BCO2: variants seen among roughly 807,000 people sequenced by gnomAD.
BCO2 encodes the protein carotenoid-cleaving dioxygenase, mitochondrial.
In BCO2, 56 loss-of-function variants were observed where a neutral mutation model predicts 65.8. That is an observed-to-expected ratio of 0.85 (90% CI 0.69 to 1.06). The LOEUF (loss-of-function observed/expected upper bound fraction) is 1.06. Among genes scored for constraint, BCO2 ranks in the 50% least tolerant of loss-of-function variants. BCO2 has a pLI of 0.00. For missense variants in BCO2, 675 were observed against 698.5 expected (o/e 0.97, Z 0.38); for synonymous variants, 233 against 242.3 (o/e 0.96, Z 0.36).
Position 112,218,020 on chromosome 11 carries a change from T to C in BCO2, c.*146T>C. ...AAAAAGCTACCTATTGAATACTATG[T>C]TCCCTATTTGGGTGATGGGTTCGTT... On this transcript the variant is annotated 3_prime_UTR_variant, in exon 12 of 12. Transcript: ENST00000357685. 1.7e-6 allele frequency: 1 copy of C among 596,368 alleles called. No individual in the cohort carries two copies. Among genetic ancestry groups the C allele is most frequent in the Non-Finnish European group, 2.9e-6 (1 of 341,002 alleles). 36.9% of individuals were successfully genotyped at this position (596,368 alleles called of 1,614,324 possible).
At chr11:112,204,638 A>G (rs1037023056) in intron 8 of BCO2, among the ~76,000 whole-genome samples, 6 of 152,140 alleles carry the variant, frequency 3.9e-5, no homozygotes, top group African/African-American at 1.4e-4. Context: ...TGAATAGTAA[A>G]TATATTTGCT....
chr11:112,215,992 C>T (rs1200843934), intron 10 of BCO2: 1 of 483,934 alleles, frequency 2.1e-6, no homozygotes, highest in African/African-American at 1.9e-5. Context: ...GCTCACTTGT[C>T]ACCAAGGGGA....
At position 112,200,718 on chromosome 11, in the gene BCO2, G is replaced by C. The variant is rs148237186; in HGVS notation, c.971G>C (p.Ser324Thr). Residue 324 changes from serine to threonine, a missense_variant, in exon 7 of 12, where the codon AGC becomes ACC. Physicochemically the swap from Ser to Thr is moderately conservative, Grantham distance 58. Coordinates refer to ENST00000357685, the MANE Select transcript of BCO2 (RefSeq NM_031938.7). Reference sequence around the variant, plus strand: ...GGAAAGGCCTTTTCAGATGGGATAAGCTGGGAACCCCAGTGTAATACGCGG... The same window carrying C: ...GGAAAGGCCTTTTCAGATGGGATAACCTGGGAACCCCAGTGTAATACGCGG... ...IRGKAFSDGI[S>T]WEPQCNTRFH... The C allele has an allele frequency of 1.2e-6, 2 of 1,613,894 alleles. No individual in the cohort carries two copies. Among genetic ancestry groups the C allele is most frequent in the Non-Finnish European group, 1.7e-6 (2 of 1,179,984 alleles).
At chr11:112,205,896 G>T (rs1347398247) in intron 8 of BCO2, among the ~76,000 whole-genome samples, 3 of 152,076 alleles carry the variant, frequency 2.0e-5, no homozygotes, top group Non-Finnish European at 4.4e-5. Context: ...ACCACACCTG[G>T]CCTCTATTTT....
At chr11:112,217,078 A>C (rs1859700748) in intron 11 of BCO2, among the ~76,000 whole-genome samples, 1 of 152,250 alleles carries the variant, frequency 6.6e-6, no homozygotes, top group South Asian at 2.1e-4. Flanking sequence ...AAGTAACACA[A>C]AATGGAGGCA....
At chr11:112,211,772 T>G (rs1207343275) in intron 8 of BCO2, among the ~76,000 whole-genome samples, 1 of 152,234 alleles carries the variant, frequency 6.6e-6, no homozygotes, top group Non-Finnish European at 1.5e-5. Flanking sequence ...CAGTATCCAG[T>G]TGGTTTCTGT....
In BCO2 at chr11:112,192,701, A is replaced by T. The variant is rs1177384230; in HGVS notation, c.294-773A>T. 2.2e-5 allele frequency among the ~76,000 whole-genome samples: 3 copies of T among 138,102 alleles called. No homozygotes were observed. The East Asian group carries it at 6.1e-4, about 28-fold the overall frequency. 90.6% of individuals were successfully genotyped at this position (138,102 alleles called of 152,430 possible). ...TCTTTTTTTTTTTTTTTTTAATGAG[A>T]CGGGGTTTTGCCATGTTGCCCAGGC... On this transcript the variant is annotated intron_variant, in intron 2 of 11. Coordinates refer to ENST00000357685, the MANE Select transcript of BCO2 (RefSeq NM_031938.7).
intron 2 of BCO2, among the ~76,000 whole-genome samples, chr11:112,182,078 A>C (rs897515628): frequency 2.6e-5 from 4 of 152,256 alleles, no homozygotes; most frequent in Non-Finnish European, 5.9e-5. Flanking sequence ...GAAGACATTT[A>C]TGTAGCCAGA....
chr11:112,186,459 T>C (rs1173414549), intron 2 of BCO2, among the ~76,000 whole-genome samples: 2 of 152,094 alleles, frequency 1.3e-5, no homozygotes, highest in Non-Finnish European at 2.9e-5. Context: ...AGACACTCAG[T>C]TTAGTGGTTG....
At chr11:112,179,077 T>C (rs1428903550) in intron 1 of BCO2, among the ~76,000 whole-genome samples, 1 of 152,156 alleles carries the variant, frequency 6.6e-6, no homozygotes, top group Non-Finnish European at 1.5e-5. Flanking sequence ...AGAAGAATTG[T>C]TGTGGGTTGA....
At chr11:112,183,728 T>G (rs529137439) in intron 2 of BCO2, among the ~76,000 whole-genome samples, 1 of 152,242 alleles carries the variant, frequency 6.6e-6, no homozygotes, top group Non-Finnish European at 1.5e-5. Context: ...TATGGTGAGA[T>G]CAGACTCCTT....
At position 112,175,526 on chromosome 11, in the gene BCO2, G is replaced by T; in HGVS notation, c.-76G>T. The T allele has an allele frequency of 1.9e-6, 2 of 1,050,608 alleles. No individual in the cohort carries two copies. The highest frequency in any genetic ancestry group is 3.0e-6 in the Non-Finnish European group (2 of 674,670). The allele number at this position is 1,050,608 out of a possible 1,614,324, so 65.1% of individuals were successfully genotyped here. ...AGGGACAGTCCAGGCAGTTCTGTGC[G>T]TGTTCACTGTTTAGTAGTACTCAAA... On this transcript the variant is annotated 5_prime_UTR_variant, in exon 1 of 12. Transcript: ENST00000357685.
chr11:112,186,561 G>T (rs1299550442), intron 2 of BCO2, among the ~76,000 whole-genome samples: 1 of 152,246 alleles, frequency 6.6e-6, no homozygotes, highest in Non-Finnish European at 1.5e-5. Flanking sequence ...CTGCTCACTT[G>T]TGAATCTCTT....
intron 2 of BCO2, chr11:112,181,821 A>G (rs1365464132): frequency 7.6e-6 from 7 of 925,894 alleles, no homozygotes; most frequent in Non-Finnish European, 1.3e-5. Context: ...AAGCTGCTGT[A>G]ATCTTGCACA....
intron 1 of BCO2, among the ~76,000 whole-genome samples, chr11:112,176,921 G>A (rs1866903036): frequency 6.6e-6 from 1 of 152,188 alleles, no homozygotes; most frequent in Non-Finnish European, 1.5e-5. Context: ...TGTCTCAGAA[G>A]CTACGAATAG....
intron 2 of BCO2, among the ~76,000 whole-genome samples, chr11:112,191,968 C>A (rs1014766599): frequency 6.6e-6 from 1 of 152,074 alleles, no homozygotes; most frequent in Non-Finnish European, 1.5e-5. Context: ...TTTAAGACAA[C>A]AGTTAAGTAG....
At chr11:112,211,500 G>C (rs898918851) in intron 8 of BCO2, among the ~76,000 whole-genome samples, 4 of 151,970 alleles carry the variant, frequency 2.6e-5, no homozygotes, top group Non-Finnish European at 5.9e-5. Flanking sequence ...GGAATTGCTA[G>C]ATCATGTAAT....
At chr11:112,206,490 G>A (rs1402438550) in intron 8 of BCO2, among the ~76,000 whole-genome samples, 4 of 152,180 alleles carry the variant, frequency 2.6e-5, no homozygotes, top group Admixed American at 2.6e-4. Context: ...CAGGTGTGGT[G>A]GCTCACGCCT....
intron 5 of BCO2, among the ~76,000 whole-genome samples, chr11:112,198,996 A>C (rs1867654882): frequency 6.6e-6 from 1 of 152,060 alleles, no homozygotes; most frequent in Non-Finnish European, 1.5e-5. Flanking sequence ...TCTGGGGTAC[A>C]TGTGCAGAAC....
Sources: gnomAD v4.1 joint callset for allele counts (sites outside exome capture counted in the v4.1 genomes callset) on GRCh38, gnomAD v4.1.1 for gene constraint, MANE v1.5 for transcripts, NCBI Gene and HGNC (gene_info 2026-07-23, HGNC 2026-07-21) for gene names.